The following FBXL7 variants were observed in gnomAD, a reference collection of about 807,000 sequenced individuals.
FBXL7 encodes F-box and leucine rich repeat protein 7.
In FBXL7, 12 loss-of-function variants were observed where a neutral mutation model predicts 38.3. That is an observed-to-expected ratio of 0.31 (90% CI 0.20 to 0.51). The LOEUF is 0.51. Among genes scored for constraint, FBXL7 ranks in the 20% least tolerant of loss-of-function variants. The pLI is 0.98. For missense variants in FBXL7, 567 were observed against 676.4 expected, an observed-to-expected ratio of 0.84 and a Z score of 1.79; for synonymous variants, 297 against 300.9, an observed-to-expected ratio of 0.99 and a Z score of 0.13.
At chr5:15,639,011 GA>G (rs1187389465) in intron 2 of FBXL7, among the ~76,000 whole-genome samples, 1 of 152,180 alleles carries the variant, frequency 6.6e-6, no homozygotes, top group Non-Finnish European at 1.5e-5. Context: ...ATTAGAAAAT[GA>G]GCCTTCAGTG....
intron 1 of FBXL7, among the ~76,000 whole-genome samples, chr5:15,530,298 C>A (rs1457257515): frequency 6.6e-6 from 1 of 152,138 alleles, no homozygotes; most frequent in Non-Finnish European, 1.5e-5. Context: ...CCTGGTTACC[C>A]TTCTCTATAC....
intron 2 of FBXL7, among the ~76,000 whole-genome samples, chr5:15,684,891 G>T (rs1257001886): frequency 6.6e-6 from 1 of 152,194 alleles, no homozygotes; most frequent in Non-Finnish European, 1.5e-5. Flanking sequence ...TCTGCCCTCA[G>T]AAATGGTACC....
At chr5:15,806,688 C>A (rs1737720435) in intron 2 of FBXL7, among the ~76,000 whole-genome samples, 1 of 152,054 alleles carries the variant, frequency 6.6e-6, no homozygotes, top group African/African-American at 2.4e-5. Flanking sequence ...GAAGGTTAAC[C>A]CAGCAGAGGG....
chr5:15,518,070 A>G (rs957559844), intron 1 of FBXL7, among the ~76,000 whole-genome samples: 2 of 152,166 alleles, frequency 1.3e-5, no homozygotes, highest in East Asian at 3.9e-4. Flanking sequence ...GGCTCACTGC[A>G]ACCTCTGCCT....
chr5:15,706,227 A>G (rs1245008550), intron 2 of FBXL7, among the ~76,000 whole-genome samples: 4 of 152,166 alleles, frequency 2.6e-5, no homozygotes, highest in South Asian at 2.1e-4. Context: ...CTGATCCTTC[A>G]TGGCTTGGTG....
At chr5:15,807,583 C>G (rs1431406488) in intron 2 of FBXL7, among the ~76,000 whole-genome samples, 2 of 152,196 alleles carry the variant, frequency 1.3e-5, no homozygotes, top group African/African-American at 4.8e-5. Flanking sequence ...ATAGTCAGCA[C>G]TCTTGATTAG....
intron 2 of FBXL7, among the ~76,000 whole-genome samples, chr5:15,703,626 A>G (rs189146989): frequency 1.8e-4 from 27 of 152,290 alleles, no homozygotes; most frequent in African/African-American, 5.5e-4. Context: ...ATATATTAAT[A>G]TTTTTAAACA....
intron 1 of FBXL7, among the ~76,000 whole-genome samples, chr5:15,570,479 C>G (rs1442867569): frequency 6.6e-6 from 1 of 152,168 alleles, no homozygotes; most frequent in Admixed American, 6.5e-5. Context: ...ATTCTTCTCT[C>G]TTTTCTTCCT....
chr5:15,500,784 G>C, intron 1 of FBXL7, 71 bp downstream of exon 1: 1 of 1,560,144 alleles, frequency 6.4e-7, no homozygotes, highest in Non-Finnish European at 8.7e-7. Context: ...CTCCCGACTG[G>C]GAAGGGAGGT....
chr5:15,627,178 A>C (rs1740847908), intron 2 of FBXL7, among the ~76,000 whole-genome samples: 1 of 152,224 alleles, frequency 6.6e-6, no homozygotes, highest in African/African-American at 2.4e-5. Flanking sequence ...ATTTTATGAC[A>C]AGATCCACTA....
intron 2 of FBXL7, among the ~76,000 whole-genome samples, chr5:15,740,420 A>G (rs1735865605): frequency 6.6e-6 from 1 of 152,198 alleles, no homozygotes; most frequent in South Asian, 2.1e-4. Context: ...CATGTTACAA[A>G]TGAACTATCT....
chr5:15,577,594 TTGTGTGTGTGTGTG>T (rs34405217), intron 1 of FBXL7, among the ~76,000 whole-genome samples: 3,946 of 147,654 alleles, frequency 0.027, 105 homozygotes, highest in African/African-American at 0.07. Context: ...GTAATGCATT[TTGTGTGTGTGTGTG>T]TGTGTGTGTG....
At chr5:15,503,494 A>C (rs1736557777) in intron 1 of FBXL7, among the ~76,000 whole-genome samples, 1 of 152,244 alleles carries the variant, frequency 6.6e-6, no homozygotes, top group Non-Finnish European at 1.5e-5. Context: ...ATATTCAACC[A>C]GTCATACACT....
At chr5:15,700,503 T>C (rs1743488986) in intron 2 of FBXL7, among the ~76,000 whole-genome samples, 1 of 152,208 alleles carries the variant, frequency 6.6e-6, no homozygotes, top group Non-Finnish European at 1.5e-5. Flanking sequence ...CTGCCAGTGG[T>C]TGCTTGTGTG....
intron 2 of FBXL7, among the ~76,000 whole-genome samples, chr5:15,896,107 C>T (rs1037238412): frequency 6.6e-6 from 1 of 151,578 alleles, no homozygotes; most frequent in Non-Finnish European, 1.5e-5. Flanking sequence ...TCACTGCAAC[C>T]GCTGCCTCCC....
At chr5:15,894,250 A>G (rs2126393081) in intron 2 of FBXL7, among the ~76,000 whole-genome samples, 1 of 152,386 alleles carries the variant, frequency 6.6e-6, no homozygotes, top group South Asian at 2.1e-4. Context: ...AACAAGAGTA[A>G]AACTCTGTCT....
At chr5:15,702,468 C>T (rs1255458195) in intron 2 of FBXL7, among the ~76,000 whole-genome samples, 2 of 152,134 alleles carry the variant, frequency 1.3e-5, no homozygotes, top group African/African-American at 2.4e-5. Flanking sequence ...ACAGGAGCCA[C>T]GCGGTATCTG....
chr5:15,590,300 C>T (rs79204008), intron 1 of FBXL7, among the ~76,000 whole-genome samples: 3,782 of 152,200 alleles, frequency 0.025, 156 homozygotes, highest in African/African-American at 0.088. Flanking sequence ...TTTCAACCAT[C>T]ATTGCTACCT....
chr5:15,621,142 C>T (rs1740627739), intron 2 of FBXL7, among the ~76,000 whole-genome samples: 1 of 152,150 alleles, frequency 6.6e-6, no homozygotes, highest in Non-Finnish European at 1.5e-5. Context: ...AAGTTCTGGG[C>T]ATCTTAATTT....
Sources: gnomAD v4.1 joint callset for allele counts (sites outside exome capture counted in the v4.1 genomes callset) on GRCh38, gnomAD v4.1.1 for gene constraint, MANE v1.5 for transcripts, NCBI Gene and HGNC (gene_info 2026-07-23, HGNC 2026-07-21) for gene names.